The following LRP1B variants were observed in gnomAD, a reference collection of about 807,000 sequenced individuals.
The protein encoded by LRP1B is LDL receptor related protein 1B.
In LRP1B, 217 loss-of-function variants were observed where a neutral mutation model predicts 556.6. The observed-to-expected ratio is 0.39, with a 90% CI of 0.35 to 0.44. The LOEUF (loss-of-function observed/expected upper bound fraction) is 0.44. Among genes scored for constraint, LRP1B ranks in the 20% least tolerant of loss-of-function variants. The pLI is 1.00. For missense variants in LRP1B, 5,053 were observed against 5,620.8 expected (o/e 0.90, Z 3.23); for synonymous variants, 2,047 against 1,865.8 (o/e 1.10, Z -2.50).
At chr2:140,835,697 C>A (rs142400457) in intron 31 of LRP1B, among the ~76,000 whole-genome samples, 1,603 of 152,210 alleles carry the variant, frequency 0.011, 31 homozygotes, top group African/African-American at 0.037. Context: ...GCCACCACGT[C>A]TGGCTAATGT....
chr2:141,028,813 C>T (rs762802984), intron 11 of LRP1B, among the ~76,000 whole-genome samples: 1 of 151,994 alleles, frequency 6.6e-6, no homozygotes, highest in Non-Finnish European at 1.5e-5. Flanking sequence ...CTGTTCTAGG[C>T]CCTAAGGATC....
chr2:140,493,254 TTCTAA>T (rs1339426113), intron 56 of LRP1B, among the ~76,000 whole-genome samples: 1 of 152,182 alleles, frequency 6.6e-6, no homozygotes, highest in East Asian at 1.9e-4. Flanking sequence ...GTGTCTTTTT[TTCTAA>T]TGCTTTAATA....
At chr2:141,566,624 CTCTT>C (rs1165682305) in intron 2 of LRP1B, among the ~76,000 whole-genome samples, 1 of 152,200 alleles carries the variant, frequency 6.6e-6, no homozygotes, top group Non-Finnish European at 1.5e-5. Context: ...TCTCCAACCT[CTCTT>C]TGTTTTAATT....
intron 6 of LRP1B, among the ~76,000 whole-genome samples, chr2:141,219,515 T>C (rs939631940): frequency 6.6e-6 from 1 of 152,202 alleles, no homozygotes; most frequent in Non-Finnish European, 1.5e-5. Flanking sequence ...TAGTCTTTCC[T>C]GTCTGCTGGC....
At chr2:140,800,725 G>C (rs1690478713) in intron 32 of LRP1B, among the ~76,000 whole-genome samples, 1 of 151,650 alleles carries the variant, frequency 6.6e-6, no homozygotes, top group Non-Finnish European at 1.5e-5. Flanking sequence ...TTTTGTTTTT[G>C]TTTTCCTTCC....
intron 41 of LRP1B, among the ~76,000 whole-genome samples, chr2:140,644,750 A>G (rs1480389642): frequency 6.6e-6 from 1 of 152,156 alleles, no homozygotes; most frequent in East Asian, 1.9e-4. Context: ...ACATGGTGCA[A>G]ACTTCGCTGT....
intron 32 of LRP1B, among the ~76,000 whole-genome samples, chr2:140,789,969 C>T (rs947712470): frequency 1.3e-5 from 2 of 151,984 alleles, no homozygotes; most frequent in African/African-American, 2.4e-5. Flanking sequence ...TTGGTAAGCT[C>T]TTCCTTAGAA....
At chr2:141,149,467 C>G (rs907685303) in intron 7 of LRP1B, among the ~76,000 whole-genome samples, 1 of 152,168 alleles carries the variant, frequency 6.6e-6, no homozygotes, top group African/African-American at 2.4e-5. Flanking sequence ...ACCTTTATTT[C>G]AAGTGAGAGA....
At chr2:141,653,389 C>T (rs1489717271) in intron 2 of LRP1B, among the ~76,000 whole-genome samples, 1 of 152,084 alleles carries the variant, frequency 6.6e-6, no homozygotes, top group African/African-American at 2.4e-5. Context: ...AAAGCCCAGG[C>T]CAGAGAGATT....
In LRP1B at chr2:140,951,908, C is replaced by T. The variant is rs563524207; in HGVS notation, c.2920G>A (p.Val974Ile). Reference sequence around the variant, plus strand: ...CTAATGCATCTTCCACTTTTGCATACGAATTGGGTTAGTGGCTCACAAGTT... The same window carrying T: ...CTAATGCATCTTCCACTTTTGCATATGAATTGGGTTAGTGGCTCACAAGTT... ...FPTCEPLTQF[V>I]CKSGRCISSK... is the part of the protein sequence containing the mutation. Residue 974 changes from valine to isoleucine, a missense_variant, in exon 19 of 91, where the codon GTA (valine) becomes ATA (isoleucine). Val to Ile is a conservative substitution (Grantham distance 29, BLOSUM62 3). Coordinates refer to ENST00000389484, the MANE Select transcript of LRP1B (RefSeq NM_018557.3). The T allele has an allele frequency of 9.3e-6, 15 of 1,613,920 alleles. No individual in the cohort carries two copies. Among genetic ancestry groups the T allele is most frequent in the East Asian group, 2.2e-5 (1 of 44,850 alleles).
chr2:140,256,379 T>C (rs1681679956), intron 86 of LRP1B, among the ~76,000 whole-genome samples: 1 of 149,230 alleles, frequency 6.7e-6, no homozygotes, highest in Non-Finnish European at 1.5e-5. Context: ...CCCTTAAATC[T>C]CTCTTCTTTT....
At chr2:141,915,814 C>A (rs536929690) in intron 1 of LRP1B, among the ~76,000 whole-genome samples, 17 of 152,170 alleles carry the variant, frequency 1.1e-4, no homozygotes, top group African/African-American at 2.4e-4. Flanking sequence ...AAGTGGCCAA[C>A]AAACATATAA....
At position 141,865,484 on chromosome 2, in the gene LRP1B, T is replaced by C. The variant is rs372056798; in HGVS notation, c.83-55083A>G. Among the ~76,000 whole-genome samples, 557 of 141,714 alleles carry C rather than the reference T, an allele frequency of 3.9e-3. 23 individuals are homozygous for C. In the East Asian group the frequency reaches 0.095, roughly 24 times the overall value. The allele number at this position is 141,714 out of a possible 152,430, so 93.0% of individuals were successfully genotyped here. A position where few individuals can be genotyped will look rare whatever the true frequency, so the allele number is the denominator to read the frequency against. On this transcript the variant is annotated intron_variant, in intron 1 of 90. Transcript: ENST00000389484. ...GCGGGCGCCTGTAGTCCCAGCTACTTGGGAGGCTGAGGCAGGAGAATGGCG... is the reference window on the plus strand; with the variant it reads ...GCGGGCGCCTGTAGTCCCAGCTACTCGGGAGGCTGAGGCAGGAGAATGGCG...
At chr2:141,997,679 C>CT (rs200494531) in intron 1 of LRP1B, among the ~76,000 whole-genome samples, 136 of 144,248 alleles carry the variant, frequency 9.4e-4, no homozygotes, top group African/African-American at 3.1e-3. Context: ...AGCCTTTATG[C>CT]TTTTTTTTTC....
intron 84 of LRP1B, among the ~76,000 whole-genome samples, chr2:140,285,264 T>C (rs1683096147): frequency 6.7e-6 from 1 of 149,758 alleles, no homozygotes; most frequent in Admixed American, 6.7e-5. Flanking sequence ...CATAGAGAAA[T>C]TTCTATATTG....
rs184642743 is a variant in LRP1B at position 140,489,767 on chromosome 2, G to A, written c.9121-2028C>T. ...GAGAGCTTTGCAGGGAAAAAGCAGA[G>A]AGAAACATGTCTCTAACTTGAGCAA... On this transcript the variant is annotated intron_variant, in intron 57 of 90. Coordinates refer to ENST00000389484, the MANE Select transcript of LRP1B (RefSeq NM_018557.3). 1.6e-3 allele frequency among the ~76,000 whole-genome samples: 236 copies of A among 152,156 alleles called. 1 individual carries two copies. Among genetic ancestry groups the A allele is most frequent in the African/African-American group, 5.2e-3 (218 of 41,570 alleles).
chr2:141,504,883 T>A (rs7585876), intron 2 of LRP1B, among the ~76,000 whole-genome samples: 12,012 of 152,164 alleles, frequency 0.079, 554 homozygotes, highest in South Asian at 0.13. Context: ...AAGACTTAGT[T>A]CTTCAGTCTC....
At chr2:140,758,402 G>A (rs1277301849) in intron 35 of LRP1B, among the ~76,000 whole-genome samples, 1 of 151,534 alleles carries the variant, frequency 6.6e-6, no homozygotes, top group African/African-American at 2.4e-5. Context: ...TTGTAGTATT[G>A]GTGATTTTTA....
intron 3 of LRP1B, among the ~76,000 whole-genome samples, chr2:141,268,270 G>A (rs1401426892): frequency 1.3e-5 from 2 of 152,102 alleles, no homozygotes; most frequent in Admixed American, 6.6e-5. Flanking sequence ...AATCCATAAG[G>A]ATAAAGAGAC....
Sources: gnomAD v4.1 joint callset for allele counts (sites outside exome capture counted in the v4.1 genomes callset) on GRCh38, gnomAD v4.1.1 for gene constraint, MANE v1.5 for transcripts, NCBI Gene and HGNC (gene_info 2026-07-23, HGNC 2026-07-21) for gene names.